GNG4: variants seen among roughly 807,000 people sequenced by gnomAD.
The protein encoded by GNG4 is guanine nucleotide-binding protein G(I)/G(S)/G(O) subunit gamma-4.
A neutral mutation model predicts 5.8 loss-of-function variants in GNG4; 4 were observed. That is an observed-to-expected ratio of 0.69 (90% CI 0.34 to 1.57). The LOEUF is 1.57. Ranked by LOEUF, GNG4 falls within the 40% of genes most tolerant of loss-of-function variation. GNG4 has a pLI of 0.06. For missense variants in GNG4, 96 were observed against 95.1 expected (o/e 1.01, Z -0.04); for synonymous variants, 29 against 32.9 (o/e 0.88, Z 0.41).
chr1:235,619,347 A>C (rs909609396), intron 1 of GNG4, among the ~76,000 whole-genome samples: 1 of 151,626 alleles, frequency 6.6e-6, no homozygotes, highest in Non-Finnish European at 1.5e-5. Flanking sequence ...CAGTGAGCCA[A>C]GATTGCGCCA....
chr1:235,613,690 T>C (rs1688529445), intron 1 of GNG4, among the ~76,000 whole-genome samples: 1 of 152,200 alleles, frequency 6.6e-6, no homozygotes, highest in African/African-American at 2.4e-5. Flanking sequence ...ACAGCTTGGT[T>C]TTACCCTACT....
intron 1 of GNG4, among the ~76,000 whole-genome samples, chr1:235,612,730 C>A (rs1452897632): frequency 6.6e-6 from 1 of 152,102 alleles, no homozygotes; most frequent in Non-Finnish European, 1.5e-5. Context: ...GCTATGTTAC[C>A]CAGGCTGGTC....
At chr1:235,575,237 G>A (rs1002908046) in intron 3 of GNG4, among the ~76,000 whole-genome samples, 6 of 152,318 alleles carry the variant, frequency 3.9e-5, no homozygotes, top group African/African-American at 1.4e-4. Context: ...TACAGTGGCA[G>A]AAAGCAATAC....
At chr1:235,575,903 A>G (rs763584565) in intron 3 of GNG4, among the ~76,000 whole-genome samples, 1 of 152,156 alleles carries the variant, frequency 6.6e-6, no homozygotes, top group Non-Finnish European at 1.5e-5. Flanking sequence ...CACCCTTGGG[A>G]GAACGCCTTC....
At chr1:235,601,529 G>C (rs1688258465) in intron 1 of GNG4, among the ~76,000 whole-genome samples, 2 of 152,186 alleles carry the variant, frequency 1.3e-5, no homozygotes. Context: ...CCCTCAAAGA[G>C]CTCAGGTGCT....
Position 235,621,297 on chromosome 1 carries a change from C to CTT in GNG4, c.-122-25788_-122-25787dup, listed in dbSNP as rs1220366662. On this transcript the variant is annotated intron_variant, in intron 1 of 3. Coordinates refer to ENST00000391854, the MANE Select transcript of GNG4 (RefSeq NM_001098722.2). ...TTTCTTTTTCTTTTTCTTTTCTTTT[C>CTT]TTTTTTTTTTTTGAGACAGAGTCTT... Among the ~76,000 whole-genome samples, 305 of 72,018 alleles carry CTT rather than the reference C, an allele frequency of 4.2e-3. 4 individuals carry two copies. Among genetic ancestry groups the CTT allele is most frequent in the African/African-American group, 0.017 (285 of 16,628 alleles). 47.2% of individuals were successfully genotyped at this position (72,018 alleles called of 152,430 possible).
At chr1:235,572,256 G>C (rs1283009196) in intron 3 of GNG4, among the ~76,000 whole-genome samples, 1 of 152,056 alleles carries the variant, frequency 6.6e-6, no homozygotes, top group East Asian at 1.9e-4. Context: ...CTGATGTGCA[G>C]TGGCACCATC....
intron 2 of GNG4, among the ~76,000 whole-genome samples, chr1:235,584,152 A>G (rs1322978394): frequency 1.3e-5 from 2 of 152,204 alleles, no homozygotes; most frequent in East Asian, 1.9e-4. Flanking sequence ...CACCACGACC[A>G]TAAGTAATGC....
intron 1 of GNG4, among the ~76,000 whole-genome samples, chr1:235,626,094 G>A (rs1031298886): frequency 1.3e-5 from 2 of 152,142 alleles, no homozygotes; most frequent in Non-Finnish European, 2.9e-5. Context: ...GGCCCGCTTT[G>A]TGTATTCTCA....
Position 235,649,006 on chromosome 1 carries a change from T to C in GNG4, c.-123+656A>G, listed in dbSNP as rs1558509549. Among the ~76,000 whole-genome samples the C allele has an allele frequency of 6.6e-6, 1 of 152,086 alleles. No individual in the cohort carries two copies. Among genetic ancestry groups the C allele is most frequent in the Non-Finnish European group, 1.5e-5 (1 of 68,012 alleles). ...GTTATTTCCAAGGCAATTTAAAAAA[T>C]CAAGCCAAACAAAGCTCCCCGGTTG... On this transcript the variant is annotated intron_variant, in intron 1 of 3. Transcript: ENST00000391854. The surrounding 1 kb of genome is among the most constrained non-coding windows in gnomAD (Gnocchi z 5.7).
intron 3 of GNG4, among the ~76,000 whole-genome samples, chr1:235,581,236 A>C (rs1465805580): frequency 6.6e-6 from 1 of 152,134 alleles, no homozygotes; most frequent in Non-Finnish European, 1.5e-5. Context: ...TGTTGTTGTA[A>C]TAGTGAGTGA....
chr1:235,597,588 CTGTGTGTGTGTGTGTGTG>C (rs386417904), intron 1 of GNG4, among the ~76,000 whole-genome samples: 3 of 74,268 alleles, frequency 4.0e-5, no homozygotes, highest in East Asian at 4.6e-4. Flanking sequence ...AACTTGTTTG[CTGTGTGTGTGTGTGTGTG>C]TGTGTGTGTG....
Position 235,571,236 on chromosome 1 carries a change from G to T in GNG4, c.99+12504C>A, listed in dbSNP as rs533942962. On this transcript the variant is annotated intron_variant, in intron 3 of 3. Coordinates refer to ENST00000391854, the MANE Select transcript of GNG4 (RefSeq NM_001098722.2). ...GAAATGTATGTTAAAATAACGAGGC[G>T]TCAGCAATCAAGAGATGGTATGACA... 3.3e-5 allele frequency among the ~76,000 whole-genome samples: 5 copies of T among 152,326 alleles called. No individual in the cohort carries two copies. In the South Asian group the frequency reaches 1.0e-3, roughly 32 times the overall value.
At position 235,648,795 on chromosome 1, in the gene GNG4, C is replaced by CGGGGCCGGGGAGACGGTGGG. The variant is rs937732483; in HGVS notation, c.-123+847_-123+866dup. Among the ~76,000 whole-genome samples the CGGGGCCGGGGAGACGGTGGG allele has an allele frequency of 2.6e-5, 4 of 152,212 alleles. No individual in the cohort carries two copies. Among genetic ancestry groups the CGGGGCCGGGGAGACGGTGGG allele is most frequent in the African/African-American group, 9.6e-5 (4 of 41,476 alleles). On this transcript the variant is annotated intron_variant, in intron 1 of 3. Coordinates refer to ENST00000391854, the MANE Select transcript of GNG4 (RefSeq NM_001098722.2). The surrounding 1 kb of genome is among the most constrained non-coding windows in gnomAD (Gnocchi z 5.0). The stretch of plus-strand genomic sequence containing the variant: ...GGGTAGAGGAGAGACGCGGCAGCCG[C>CGGGGCCGGGGAGACGGTGGG]GGGGCCGGGGAGACGGTGGGAGGCC...
rs1571929182 is a variant in GNG4 at position 235,642,391 on chromosome 1, G to A, written c.-123+7271C>T. On this transcript the variant is annotated intron_variant, in intron 1 of 3. Coordinates refer to ENST00000391854, the MANE Select transcript of GNG4 (RefSeq NM_001098722.2). The surrounding 1 kb of genome is among the most constrained non-coding windows in gnomAD (Gnocchi z 4.3). ...AACTCCCTCTCGAATAGAGACCCAC[G>A]CACGGAAGGATGATACACTGTGATT... Among the ~76,000 whole-genome samples the A allele has an allele frequency of 1.3e-5, 2 of 152,218 alleles. No individual in the cohort carries two copies. The highest frequency in any genetic ancestry group is 1.3e-4 in the Admixed American group (2 of 15,282).
At chr1:235,557,210 A>T (rs1572608917) in intron 3 of GNG4, among the ~76,000 whole-genome samples, 1 of 152,106 alleles carries the variant, frequency 6.6e-6, no homozygotes, top group Admixed American at 6.5e-5. Context: ...CAGAATCTAT[A>T]CTCAGCCGCT....
At chr1:235,636,923 G>A (rs771352307) in intron 1 of GNG4, among the ~76,000 whole-genome samples, 2 of 150,956 alleles carry the variant, frequency 1.3e-5, no homozygotes, top group Admixed American at 6.6e-5. Context: ...CCTGGGTGCC[G>A]TCCTTGCTCC....
intron 3 of GNG4, among the ~76,000 whole-genome samples, chr1:235,573,218 A>C (rs1203710702): frequency 6.6e-6 from 1 of 151,594 alleles, no homozygotes; most frequent in Non-Finnish European, 1.5e-5. Flanking sequence ...TGAGCAAACT[A>C]TCGCAAGGAC....
At chr1:235,556,254 C>T (rs1240482634) in intron 3 of GNG4, among the ~76,000 whole-genome samples, 1 of 151,810 alleles carries the variant, frequency 6.6e-6, no homozygotes, top group Non-Finnish European at 1.5e-5. Flanking sequence ...GAAGGTCACC[C>T]ATCTATTAAG....
Sources: allele counts gnomAD v4.1 joint callset (sites outside exome capture counted in the v4.1 genomes callset), GRCh38; gene constraint gnomAD v4.1.1; non-coding constraint Gnocchi (gnomAD v3.1); transcripts MANE v1.5; gene names NCBI Gene and HGNC (gene_info 2026-07-23, HGNC 2026-07-21).